BRSK1: variants seen among roughly 807,000 people sequenced by gnomAD.
The protein encoded by BRSK1 is BR serine/threonine kinase 1.
A neutral mutation model predicts 86.2 loss-of-function variants in BRSK1; 17 were observed. That is an observed-to-expected ratio of 0.20 (90% CI 0.14 to 0.30). The LOEUF is 0.30. Ranked by LOEUF, BRSK1 falls within the 10% of genes least tolerant of loss-of-function variation. BRSK1 has a pLI of 1.00. For missense variants in BRSK1, 719 were observed against 1,071.9 expected (o/e 0.67, Z 4.60); for synonymous variants, 464 against 440.1 (o/e 1.05, Z -0.68).
chr19:55,284,622 G>A, intron 1 of BRSK1, 44 bp downstream of exon 1: 1 of 1,265,952 alleles, frequency 7.9e-7, no homozygotes, highest in Non-Finnish European at 1.0e-6. Context: ...GGGCAGGGTG[G>A]AGGTGGCGGC....
At position 55,294,851 on chromosome 19, in the gene BRSK1, G is replaced by A. The variant is rs1300631966; in HGVS notation, c.678+454G>A. ...GAGTCTTGCTCTGTTGCCCAGGCTG[G>A]AGTGCAGTGGTGCAGTCTTGGCTCA... On this transcript the variant is annotated intron_variant, in intron 7 of 18. Coordinates refer to ENST00000309383, the MANE Select transcript of BRSK1 (RefSeq NM_032430.2). The surrounding 1 kb of genome is among the most constrained non-coding windows in gnomAD (Gnocchi z 4.9). Among the ~76,000 whole-genome samples, 1 of 152,120 alleles carries A rather than the reference G, an allele frequency of 6.6e-6. No homozygotes were observed. Among genetic ancestry groups the A allele is most frequent in the African/African-American group, 2.4e-5 (1 of 41,410 alleles).
At chr19:55,311,109 G>A (rs911103273) in intron 18 of BRSK1, among the ~76,000 whole-genome samples, 2 of 151,992 alleles carry the variant, frequency 1.3e-5, no homozygotes, top group African/African-American at 4.8e-5. Flanking sequence ...TTACAGGTGC[G>A]TGCCACCACA....
chr19:55,289,721 C>A, intron 4 of BRSK1, 101 bp downstream of exon 4: 1 of 1,448,614 alleles, frequency 6.9e-7, no homozygotes, highest in East Asian at 2.4e-5. Flanking sequence ...TGGTCGGCCC[C>A]CAAACCTTTA....
chr19:55,304,773 C>A lies in BRSK1; in HGVS notation c.1570C>A (p.Pro524Thr). The A allele has an allele frequency of 6.4e-7, 1 of 1,551,606 alleles. No individual in the cohort carries two copies. Residue 524 changes from proline (P) to threonine (T), a missense_variant, in exon 14 of 19, where the codon CCC becomes ACC. Physicochemically the swap from Pro to Thr is conservative, Grantham distance 38. Transcript: ENST00000309383. The surrounding 1 kb of genome is among the most constrained non-coding windows in gnomAD (Gnocchi z 5.2). ...CCCCTTGCACTCGCCTCTGCACACGCCCCGGGCCAGTCCCACCGGGACCCC... is the reference window on the plus strand; with the variant it reads ...CCCCTTGCACTCGCCTCTGCACACGACCCGGGCCAGTCCCACCGGGACCCC... ...GTPLHSPLHT[P>T]RASPTGTPGT...
chr19:55,294,887 C>T lies in BRSK1; in HGVS notation c.678+490C>T, dbSNP rs180956984. ...TGCAGTCTTGGCTCACTGCAACCTA[C>T]GCCGCCCGGGTTCAAGCTATTCTCC... On this transcript the variant is annotated intron_variant, in intron 7 of 18. Transcript: ENST00000309383. This position sits in a 1 kb window ranked among gnomAD's most constrained non-coding sequence, Gnocchi z 4.9. Among the ~76,000 whole-genome samples the T allele has an allele frequency of 7.2e-4, 108 of 150,512 alleles. No homozygotes were observed. The highest frequency in any genetic ancestry group is 1.3e-3 in the Non-Finnish European group (87 of 67,582).
chr19:55,294,465 C>A lies in BRSK1; in HGVS notation c.678+68C>A. 6.6e-7 allele frequency: 1 copy of A among 1,516,696 alleles called. No homozygotes were observed. Among genetic ancestry groups the A allele is most frequent in the Non-Finnish European group, 9.0e-7 (1 of 1,105,224 alleles). The allele number at this position is 1,516,696 out of a possible 1,614,324, so 94.0% of individuals were successfully genotyped here. ...ACCTGGTGGGAGCATAGGACAGTAC[C>A]TTCCATCCTCAGGTCATCTCCTGAA... On this transcript the variant is annotated intron_variant, in intron 7 of 18. Transcript: ENST00000309383. The surrounding 1 kb of genome is among the most constrained non-coding windows in gnomAD (Gnocchi z 4.9).
chr19:55,303,794 A>T lies in BRSK1; in HGVS notation c.1254A>T (p.Arg418=). 1 of 1,599,484 alleles carries T rather than the reference A, an allele frequency of 6.3e-7. No homozygotes were observed. The highest frequency in any genetic ancestry group is 8.5e-7 in the Non-Finnish European group (1 of 1,172,308). Residue 418 remains arginine, a synonymous_variant, in exon 12 of 19, where the codon CGA becomes CGT. Coordinates refer to ENST00000309383, the MANE Select transcript of BRSK1 (RefSeq NM_032430.2). This position sits in a 1 kb window ranked among gnomAD's most constrained non-coding sequence, Gnocchi z 5.1. ...AGGGGSPVPT[R]RALEMAQHSQ... ...GTGGTGGCTCCCCTGTACCCACCCG[A>T]CGGGCCTTGGAGATGGCCCAGCACA...
At chr19:55,292,431 T>C (rs2088420964) in intron 4 of BRSK1, among the ~76,000 whole-genome samples, 1 of 152,204 alleles carries the variant, frequency 6.6e-6, no homozygotes. Flanking sequence ...GGGACAGAGA[T>C]GAGATCAGAT....
Position 55,304,987 on chromosome 19 carries a change from G to A in BRSK1, c.1717+67G>A. 1 of 1,582,670 alleles carries A rather than the reference G, an allele frequency of 6.3e-7. No individual in the cohort carries two copies. Among genetic ancestry groups the A allele is most frequent in the Admixed American group, 1.7e-5 (1 of 57,818 alleles). On this transcript the variant is annotated intron_variant, in intron 14 of 18. Coordinates refer to ENST00000309383, the MANE Select transcript of BRSK1 (RefSeq NM_032430.2). This position sits in a 1 kb window ranked among gnomAD's most constrained non-coding sequence, Gnocchi z 5.2. ...TTGGGGCTAAAAATCTGGTTCCAGG[G>A]ATGTCCGTCTGGCGTGTCTAGAGAG...
At chr19:55,292,017 C>T (rs1053957262) in intron 4 of BRSK1, among the ~76,000 whole-genome samples, 8 of 152,190 alleles carry the variant, frequency 5.3e-5, no homozygotes, top group Non-Finnish European at 8.8e-5. Flanking sequence ...ACCTCGGCCT[C>T]CTGAAGTACT....
Position 55,284,171 on chromosome 19 carries a change from CCG to C in BRSK1, c.-271_-270del. On this transcript the variant is annotated 5_prime_UTR_variant, in exon 1 of 19. The change abolishes the stop of an existing upstream ORF in the 5' untranslated region. Transcript: ENST00000309383. ...GGGGGGAGGCGCAGGAAGCGGGGGG[CCG>C]GCCAGAAACGGGCTGGGGAGGGGGG... The C allele has an allele frequency of 1.9e-6, 2 of 1,033,944 alleles. No homozygotes were observed. Among genetic ancestry groups the C allele is most frequent in the Non-Finnish European group, 2.5e-6 (2 of 808,970 alleles). The allele number at this position is 1,033,944 out of a possible 1,614,324, so 64.0% of individuals were successfully genotyped here.
chr19:55,308,342 C>T (rs1348588545), intron 17 of BRSK1, among the ~76,000 whole-genome samples: 1 of 152,108 alleles, frequency 6.6e-6, no homozygotes, highest in Non-Finnish European at 1.5e-5. Context: ...ATTTTTCTTA[C>T]ATTTCTGGTC....
chr19:55,298,908 T>C (rs1302224373), intron 7 of BRSK1, among the ~76,000 whole-genome samples: 5 of 152,210 alleles, frequency 3.3e-5, no homozygotes, highest in Non-Finnish European at 5.9e-5. Flanking sequence ...CTGCTGGCCA[T>C]GAGTTCCGCG....
chr19:55,298,938 G>C (rs896173331), intron 7 of BRSK1, among the ~76,000 whole-genome samples: 2 of 152,160 alleles, frequency 1.3e-5, no homozygotes, highest in Non-Finnish European at 2.9e-5. Flanking sequence ...CAGTACATAT[G>C]AAAGGTGTCT....
rs559615438 is a variant in BRSK1 at position 55,302,034 on chromosome 19, G to A, written c.826-103G>A. On this transcript the variant is annotated intron_variant, in intron 8 of 18. Coordinates refer to ENST00000309383, the MANE Select transcript of BRSK1 (RefSeq NM_032430.2). This position sits in a 1 kb window ranked among gnomAD's most constrained non-coding sequence, Gnocchi z 6.3. ...TCATCCTGCCCCCGGTGGGGTGGGCGGGGAGATGATCAGGGACCCCAAAAC... is the reference window on the plus strand; with the variant it reads ...TCATCCTGCCCCCGGTGGGGTGGGCAGGGAGATGATCAGGGACCCCAAAAC... 183 of 1,293,256 alleles carry A rather than the reference G, an allele frequency of 1.4e-4. 4 individuals carry two copies. The South Asian group carries it at 2.0e-3, about 14-fold the overall frequency. The allele number at this position is 1,293,256 out of a possible 1,614,324, so 80.1% of individuals were successfully genotyped here. A position where few individuals can be genotyped will look rare whatever the true frequency, so the allele number is the denominator to read the frequency against.
In BRSK1 at chr19:55,303,869, T is replaced by C; in HGVS notation, c.1286+43T>C. On this transcript the variant is annotated intron_variant, in intron 12 of 18. Coordinates refer to ENST00000309383, the MANE Select transcript of BRSK1 (RefSeq NM_032430.2). This position sits in a 1 kb window ranked among gnomAD's most constrained non-coding sequence, Gnocchi z 5.1. ...TCCAGGAGGATCCACAATCCCTGGG[T>C]CTAGGAGTTCAAGATTCTAACCCCA... The C allele has an allele frequency of 1.3e-6, 2 of 1,538,214 alleles. No individual in the cohort carries two copies. Among genetic ancestry groups the C allele is most frequent in the Admixed American group, 2.1e-5 (1 of 48,472 alleles).
chr19:55,308,503 C>T, intron 17 of BRSK1, 136 bp from the exon 18 acceptor site: 1 of 684,266 alleles, frequency 1.5e-6, no homozygotes, highest in Non-Finnish European at 2.7e-6. Flanking sequence ...ATTGATGTGG[C>T]CCCAGCGGAG....
chr19:55,289,213 G>T (rs2088368068), intron 3 of BRSK1, among the ~76,000 whole-genome samples: 1 of 152,122 alleles, frequency 6.6e-6, no homozygotes, highest in Non-Finnish European at 1.5e-5. Context: ...CAGGGCTAAT[G>T]GGACTTGAGT....
chr19:55,305,681 C>G, intron 16 of BRSK1, 95 bp downstream of exon 16: 1 of 1,545,258 alleles, frequency 6.5e-7, no homozygotes, highest in Non-Finnish European at 8.8e-7. Context: ...GCCTGGCTTC[C>G]TCCTGGGGCT....
Sources: allele counts gnomAD v4.1 joint callset (sites outside exome capture counted in the v4.1 genomes callset), GRCh38; gene constraint gnomAD v4.1.1; non-coding constraint Gnocchi (gnomAD v3.1); transcripts MANE v1.5; gene names NCBI Gene and HGNC (gene_info 2026-07-23, HGNC 2026-07-21).